Variants in KCNQ3 observed in about 807,000 individuals in gnomAD.
KCNQ3 encodes the protein potassium voltage-gated channel subfamily KQT member 3.
A neutral mutation model predicts 92.5 loss-of-function variants in KCNQ3; 30 were observed. The ratio of observed to expected loss-of-function variants is 0.32; its 90% CI spans 0.24 to 0.44. The LOEUF (loss-of-function observed/expected upper bound fraction) is 0.44. KCNQ3 is among the 20% of genes least tolerant of loss of function. The probability of loss-of-function intolerance (pLI) is 1.00; values close to 1 mark genes in which losing one functional copy is unlikely to be tolerated. For synonymous variants in KCNQ3, 450 were observed against 468.8 expected (o/e 0.96, Z 0.52); for missense variants, 913 against 1,140.3 (o/e 0.80, Z 2.87).
At chr8:132,321,938 C>T (rs755376719) in intron 1 of KCNQ3, among the ~76,000 whole-genome samples, 41 of 152,146 alleles carry the variant, frequency 2.7e-4, no homozygotes, top group Non-Finnish European at 4.6e-4. Flanking sequence ...CCCTACTGCC[C>T]AATGGAGGAG....
intron 12 of KCNQ3, among the ~76,000 whole-genome samples, chr8:132,135,793 G>A (rs916292076): frequency 6.6e-6 from 1 of 152,026 alleles, no homozygotes; most frequent in Non-Finnish European, 1.5e-5. Context: ...CTCTGTGCCT[G>A]CCACTATACT....
chr8:132,445,829 A>G (rs2130844151), intron 1 of KCNQ3, among the ~76,000 whole-genome samples: 1 of 152,346 alleles, frequency 6.6e-6, no homozygotes, highest in South Asian at 2.1e-4. Flanking sequence ...GAACTGGGCT[A>G]GGTCATACGG....
chr8:132,299,615 T>C (rs1434200667), intron 1 of KCNQ3, among the ~76,000 whole-genome samples: 2 of 152,102 alleles, frequency 1.3e-5, no homozygotes, highest in African/African-American at 4.8e-5. Context: ...GTGATAAGAA[T>C]GCAAAAGGGG....
chr8:132,215,724 G>C (rs780994955), intron 1 of KCNQ3, among the ~76,000 whole-genome samples: 6 of 152,240 alleles, frequency 3.9e-5, no homozygotes, highest in Non-Finnish European at 8.8e-5. Flanking sequence ...TGCCAGGTGA[G>C]GGTTGGGCTT....
chr8:132,184,203 G>T, intron 3 of KCNQ3, 38 bp downstream of exon 3: 1 of 1,613,670 alleles, frequency 6.2e-7, no homozygotes, highest in South Asian at 1.1e-5. Context: ...CAAAAGAAGG[G>T]AACTGAGGAG....
intron 9 of KCNQ3, among the ~76,000 whole-genome samples, chr8:132,162,724 G>C (rs949057463): frequency 6.6e-6 from 1 of 152,162 alleles, no homozygotes; most frequent in African/African-American, 2.4e-5. Flanking sequence ...TGTGGATAGG[G>C]CTTCATGGAA....
Position 132,220,011 on chromosome 8 carries a change from AATTCTG to A in KCNQ3, c.387-33836_387-33831del, listed in dbSNP as rs574697275. Among the ~76,000 whole-genome samples the A allele has an allele frequency of 3.9e-5, 6 of 152,254 alleles. No individual in the cohort carries two copies. In the South Asian group the frequency reaches 1.2e-3, roughly 32 times the overall value. ...AAAAACCTTGATGATATATTTTTTTAATTCTGATTCTCTTTCCATCGCACCATGCTT... is the reference window on the plus strand; with the variant it reads ...AAAAACCTTGATGATATATTTTTTTAATTCTCTTTCCATCGCACCATGCTT... On this transcript the variant is annotated intron_variant, in intron 1 of 14. Coordinates refer to ENST00000388996, the MANE Select transcript of KCNQ3 (RefSeq NM_004519.4).
chr8:132,213,451 T>C (rs1395916256), intron 1 of KCNQ3, among the ~76,000 whole-genome samples: 2 of 152,176 alleles, frequency 1.3e-5, no homozygotes, highest in Non-Finnish European at 2.9e-5. Context: ...TTGAAGGAGT[T>C]TTCCCAGTTT....
chr8:132,398,924 A>G (rs1471169719), intron 1 of KCNQ3, among the ~76,000 whole-genome samples: 1 of 152,226 alleles, frequency 6.6e-6, no homozygotes, highest in African/African-American at 2.4e-5. Context: ...TAAAGGCTGC[A>G]GTGGTGAGCC....
At chr8:132,230,990 T>C (rs576503764) in intron 1 of KCNQ3, among the ~76,000 whole-genome samples, 69 of 152,310 alleles carry the variant, frequency 4.5e-4, no homozygotes, top group African/African-American at 1.5e-3. Flanking sequence ...CTGATATGAC[T>C]GGTGTCCTTA....
chr8:132,183,012 G>C (rs544273152), intron 3 of KCNQ3, among the ~76,000 whole-genome samples: 4 of 152,202 alleles, frequency 2.6e-5, no homozygotes, highest in South Asian at 4.2e-4. Context: ...TTTCAGCTAG[G>C]AGTGGGCAAG....
At chr8:132,172,961 G>GC (rs1826429997) in intron 6 of KCNQ3, among the ~76,000 whole-genome samples, 1 of 152,234 alleles carries the variant, frequency 6.6e-6, no homozygotes, top group African/African-American at 2.4e-5. Context: ...GCCTGGGCAA[G>GC]CCCCTTAGCC....
rs1343511437 is a variant in KCNQ3 at position 132,153,737 on chromosome 8, C to G, written c.1262+9731G>C. 2.0e-5 allele frequency among the ~76,000 whole-genome samples: 3 copies of G among 151,876 alleles called. No homozygotes were observed. In the East Asian group the frequency reaches 5.8e-4, roughly 29 times the overall value. On this transcript the variant is annotated intron_variant, in intron 9 of 14. Coordinates refer to ENST00000388996, the MANE Select transcript of KCNQ3 (RefSeq NM_004519.4). ...AGTGGATACTCCTACCCCGCAAGCC[C>G]CCCCCCCATTAACATGGGTGAAAGC... is the stretch of plus-strand genomic sequence containing the variant.
intron 11 of KCNQ3, 88 bp from the exon 12 acceptor site, chr8:132,138,104 G>C (rs1287260071): frequency 5.4e-6 from 8 of 1,479,284 alleles, no homozygotes; most frequent in African/African-American, 4.1e-5. Context: ...AGGGCAGGGG[G>C]AGAAAAGAAC....
At chr8:132,442,860 A>T (rs1320437030) in intron 1 of KCNQ3, among the ~76,000 whole-genome samples, 1 of 152,164 alleles carries the variant, frequency 6.6e-6, no homozygotes, top group Non-Finnish European at 1.5e-5. Context: ...TCTCTCTTCT[A>T]GATTTAGAGA....
chr8:132,279,852 G>T (rs73710508), intron 1 of KCNQ3, among the ~76,000 whole-genome samples: 1,248 of 111,794 alleles, frequency 0.011, 16 homozygotes, highest in African/African-American at 0.032. Flanking sequence ...GTGTATATAT[G>T]CGTGTGTGTG....
intron 9 of KCNQ3, among the ~76,000 whole-genome samples, chr8:132,149,397 T>C (rs1287459423): frequency 6.6e-6 from 1 of 152,174 alleles, no homozygotes; most frequent in Non-Finnish European, 1.5e-5. Context: ...CTTTTTCCTT[T>C]TGCCCACTAA....
chr8:132,279,596 A>C (rs1231381188), intron 1 of KCNQ3, among the ~76,000 whole-genome samples: 1 of 152,182 alleles, frequency 6.6e-6, no homozygotes, highest in Non-Finnish European at 1.5e-5. Context: ...CCTGGCACAT[A>C]GTAGGTGACT....
intron 1 of KCNQ3, among the ~76,000 whole-genome samples, chr8:132,208,921 G>C (rs1431524929): frequency 6.6e-6 from 1 of 152,080 alleles, no homozygotes; most frequent in Non-Finnish European, 1.5e-5. Context: ...GAGCAGGTTT[G>C]TAACTTGTAT....
Sources: allele counts gnomAD v4.1 joint callset (sites outside exome capture counted in the v4.1 genomes callset), GRCh38; gene constraint gnomAD v4.1.1; transcripts MANE v1.5; gene names NCBI Gene and HGNC (gene_info 2026-07-23, HGNC 2026-07-21).